Variants in NQO2 observed in about 807,000 individuals in gnomAD.
The protein encoded by NQO2 is N-ribosyldihydronicotinamide:quinone dehydrogenase 2.
Under a neutral mutation model 22.0 loss-of-function variants are expected in NQO2, and 18 were observed. That is an observed-to-expected ratio of 0.82 (90% confidence interval 0.56 to 1.21). The LOEUF (loss-of-function observed/expected upper bound fraction) is 1.21, where lower values mean the gene tolerates loss of function less well. NQO2 is among the 50% of genes most tolerant of loss of function. NQO2 has a pLI of 0.00. For synonymous variants in NQO2, 106 were observed against 110.8 expected (o/e 0.96, Z 0.28); for missense variants, 267 against 286.9 (o/e 0.93, Z 0.50).
chr6:3,002,143 C>A, intron 1 of NQO2: 1 of 904,624 alleles, frequency 1.1e-6, no homozygotes, highest in Non-Finnish European at 1.3e-6. Context: ...GAGTGGTGAG[C>A]TGGGGACACT....
intron 3 of NQO2, 86 bp from the exon 4 acceptor site, chr6:3,012,458 C>T: frequency 6.4e-7 from 1 of 1,554,422 alleles, no homozygotes; most frequent in South Asian, 1.2e-5. Context: ...TCTGAGGAGT[C>T]CGGTATACAC....
intron 6 of NQO2, among the ~76,000 whole-genome samples, chr6:3,018,281 G>A (rs1360876635): frequency 1.3e-5 from 2 of 152,184 alleles, no homozygotes; most frequent in Non-Finnish European, 2.9e-5. Flanking sequence ...CTGAGGCAGT[G>A]GATCACCTGA....
chr6:3,013,428 C>T (rs1490447887), intron 4 of NQO2, among the ~76,000 whole-genome samples: 1 of 152,172 alleles, frequency 6.6e-6, no homozygotes, highest in Non-Finnish European at 1.5e-5. Flanking sequence ...CTTCTCTTCC[C>T]GTTCCTGCCC....
chr6:3,010,027 A>G lies in NQO2; in HGVS notation c.10A>G (p.Lys4Glu). ...AACTGTTTCTTATCCTGATTTAGGT[A>G]AGAAAGTACTCATTGTCTATGCACA... MAG[K>E]KVLIVYAHQE... The change falls in exon 3 of 7, where the codon AAG becomes GAG. Residue 4 changes from lysine to glutamate, a missense_variant and splice_region_variant. Coordinates refer to ENST00000380455, the MANE Select transcript of NQO2 (RefSeq NM_000904.6). 1 of 1,609,814 alleles carries G rather than the reference A, an allele frequency of 6.2e-7. No individual in the cohort carries two copies.
At position 3,006,441 on chromosome 6, in the gene NQO2, C is replaced by G. The variant is rs770252249; in HGVS notation, c.-85-27C>G. 1.3e-4 allele frequency: 198 copies of G among 1,579,010 alleles called. No individual in the cohort carries two copies. Among genetic ancestry groups the G allele is most frequent in the Non-Finnish European group, 1.5e-4 (179 of 1,164,660 alleles). ...CGACCTCACCTATGCCTCTCCCCACCCCCTCTGGGTTCGTTTTGTCTTCCA... is the reference window on the plus strand; with the variant it reads ...CGACCTCACCTATGCCTCTCCCCACGCCCTCTGGGTTCGTTTTGTCTTCCA... On this transcript the variant is annotated intron_variant, in intron 1 of 6. Coordinates refer to ENST00000380455, the MANE Select transcript of NQO2 (RefSeq NM_000904.6). This position sits in a 1 kb window ranked among gnomAD's most constrained non-coding sequence, Gnocchi z 4.0.
intron 2 of NQO2, among the ~76,000 whole-genome samples, chr6:3,007,716 T>G (rs1303450798): frequency 6.6e-6 from 1 of 152,228 alleles, no homozygotes; most frequent in Non-Finnish European, 1.5e-5. Flanking sequence ...TGACTCTTCC[T>G]AGAGTCCTCT....
At chr6:3,015,850 G>A (rs1036566378) in intron 5 of NQO2, among the ~76,000 whole-genome samples, 4 of 152,208 alleles carry the variant, frequency 2.6e-5, no homozygotes, top group East Asian at 1.9e-4. Context: ...GTGGGGCTGC[G>A]AACACATCCA....
At chr6:3,000,141 G>C (rs1772908320) in intron 1 of NQO2, 56 bp downstream of exon 1, 1 of 152,474 alleles carries the variant, frequency 6.6e-6, no homozygotes, top group Non-Finnish European at 1.5e-5. Context: ...TCCCGGACTG[G>C]ACGGCCAGAA....
Position 3,003,371 on chromosome 6 carries a change from T to C in NQO2, c.-85-3097T>C, listed in dbSNP as rs537076244. Among the ~76,000 whole-genome samples the C allele has an allele frequency of 3.3e-5, 5 of 151,000 alleles. No homozygotes were observed. In the East Asian group the frequency reaches 9.6e-4, roughly 29 times the overall value. ...AACTTGTTCTTCACAATCACTGCCCTCCCAAGAACATCCAGGATTTCAGCC... is the reference window on the plus strand; with the variant it reads ...AACTTGTTCTTCACAATCACTGCCCCCCCAAGAACATCCAGGATTTCAGCC... On this transcript the variant is annotated intron_variant, in intron 1 of 6. Coordinates refer to ENST00000380455, the MANE Select transcript of NQO2 (RefSeq NM_000904.6).
At chr6:3,000,946 G>A (rs757891545) in intron 1 of NQO2, among the ~76,000 whole-genome samples, 6 of 149,096 alleles carry the variant, frequency 4.0e-5, no homozygotes, top group Non-Finnish European at 5.9e-5. Flanking sequence ...AGGTTCAAGC[G>A]ATTCTCCCCC....
Position 3,006,569 on chromosome 6 carries a change from C to A in NQO2, c.7+10C>A. 1 of 1,600,264 alleles carries A rather than the reference C, an allele frequency of 6.2e-7. No homozygotes were observed. The highest frequency in any genetic ancestry group is 1.1e-5 in the South Asian group (1 of 88,140). On this transcript the variant is annotated intron_variant, in intron 2 of 6. Transcript: ENST00000380455. This position sits in a 1 kb window ranked among gnomAD's most constrained non-coding sequence, Gnocchi z 4.0. ...TCTTACGCTATGGCAGGTAATGATT[C>A]ACTATTGTGGAGTAAGACTTTTTTT...
At chr6:3,015,711 C>T in intron 5 of NQO2, 68 bp downstream of exon 5, 6 of 1,423,978 alleles carry the variant, frequency 4.2e-6, no homozygotes, top group Non-Finnish European at 4.9e-6. Context: ...CGTCTTCTAT[C>T]AAGTTATATT....
At position 3,006,735 on chromosome 6, in the gene NQO2, C is replaced by A. The variant is rs28383617; in HGVS notation, c.7+176C>A. 4.5e-4 allele frequency: 263 copies of A among 589,204 alleles called. No individual in the cohort carries two copies. In the African/African-American group the frequency reaches 4.8e-3, roughly 11 times the overall value. 36.5% of individuals were successfully genotyped at this position (589,204 alleles called of 1,614,324 possible). ...ACATTGTTGTAAAAAATCCAAGCCA[C>A]GTGGAAGTGTATAAACTATCTGGAA... On this transcript the variant is annotated intron_variant, in intron 2 of 6. Coordinates refer to ENST00000380455, the MANE Select transcript of NQO2 (RefSeq NM_000904.6). The surrounding 1 kb of genome is among the most constrained non-coding windows in gnomAD (Gnocchi z 4.0).
chr6:3,008,264 A>G (rs1211504536), intron 2 of NQO2, among the ~76,000 whole-genome samples: 1 of 152,084 alleles, frequency 6.6e-6, no homozygotes, highest in Non-Finnish European at 1.5e-5. Flanking sequence ...CTAAAAATAC[A>G]AAAAATTATC....
intron 1 of NQO2, chr6:3,005,814 C>T: frequency 1.0e-6 from 1 of 985,264 alleles, no homozygotes; most frequent in Non-Finnish European, 1.2e-6. Context: ...CTGGGCCATG[C>T]TGTGACTTTG....
Position 3,006,594 on chromosome 6 carries a change from T to C in NQO2, c.7+35T>C. 1 of 1,562,860 alleles carries C rather than the reference T, an allele frequency of 6.4e-7. No homozygotes were observed. The highest frequency in any genetic ancestry group is 8.6e-7 in the Non-Finnish European group (1 of 1,156,342). ...CACTATTGTGGAGTAAGACTTTTTTTTTTTTGAGATGGGATTTTGTTGTAT... is the reference window on the plus strand; with the variant it reads ...CACTATTGTGGAGTAAGACTTTTTTCTTTTTGAGATGGGATTTTGTTGTAT... On this transcript the variant is annotated intron_variant, in intron 2 of 6. Coordinates refer to ENST00000380455, the MANE Select transcript of NQO2 (RefSeq NM_000904.6). This position sits in a 1 kb window ranked among gnomAD's most constrained non-coding sequence, Gnocchi z 4.0.
In NQO2 at chr6:3,006,004, C is replaced by T. The variant is rs1405096097; in HGVS notation, c.-85-464C>T. ...TTCTGGTTAGAGCCTGGGTCTAAGC[C>T]AACTCCCATTATTTTCAAGTGAGGG... is the stretch of plus-strand genomic sequence containing the variant. On this transcript the variant is annotated intron_variant, in intron 1 of 6. Transcript: ENST00000380455. The surrounding 1 kb of genome is among the most constrained non-coding windows in gnomAD (Gnocchi z 4.0). Among the ~76,000 whole-genome samples, 1 of 152,198 alleles carries T rather than the reference C, an allele frequency of 6.6e-6. No homozygotes were observed. The highest frequency in any genetic ancestry group is 1.9e-4 in the East Asian group (1 of 5,188).
chr6:3,002,455 C>T (rs1756766358), intron 1 of NQO2, among the ~76,000 whole-genome samples: 1 of 152,168 alleles, frequency 6.6e-6, no homozygotes, highest in East Asian at 1.9e-4. Flanking sequence ...ACTACAGGCA[C>T]ATGCCACCAT....
chr6:3,000,621 A>G (rs931164997), intron 1 of NQO2, among the ~76,000 whole-genome samples: 1 of 151,154 alleles, frequency 6.6e-6, no homozygotes, highest in Non-Finnish European at 1.5e-5. Flanking sequence ...GGCTCACTGC[A>G]ACCTCCGCCT....
Sources: allele counts gnomAD v4.1 joint callset (sites outside exome capture counted in the v4.1 genomes callset), GRCh38; gene constraint gnomAD v4.1.1; non-coding constraint Gnocchi (gnomAD v3.1); transcripts MANE v1.5; gene names NCBI Gene and HGNC (gene_info 2026-07-23, HGNC 2026-07-21).